Variants in CLSTN2 observed in about 807,000 individuals in gnomAD.
CLSTN2 encodes calsyntenin-2.
A neutral mutation model predicts 101.2 loss-of-function variants in CLSTN2; 48 were observed. The ratio of observed to expected loss-of-function variants is 0.47; its 90% CI spans 0.38 to 0.60. CLSTN2 has a LOEUF of 0.60. Ranked by LOEUF, CLSTN2 falls within the 20% of genes least tolerant of loss-of-function variation. CLSTN2 has a pLI of 0.00. For synonymous variants in CLSTN2, 481 were observed against 463.6 expected (o/e 1.04, Z -0.48); for missense variants, 1,160 against 1,238.2 (o/e 0.94, Z 0.95).
intron 2 of CLSTN2, among the ~76,000 whole-genome samples, chr3:140,335,677 T>C (rs1375071369): frequency 6.6e-6 from 1 of 152,212 alleles, no homozygotes; most frequent in African/African-American, 2.4e-5. Flanking sequence ...CTATTATTTG[T>C]AATAAAGACA....
At chr3:140,033,138 C>T (rs2107760674) in intron 1 of CLSTN2, among the ~76,000 whole-genome samples, 1 of 152,306 alleles carries the variant, frequency 6.6e-6, no homozygotes, top group Non-Finnish European at 1.5e-5. Flanking sequence ...GGAGGACTGA[C>T]ACGTAGTAGA....
chr3:140,392,666 T>C (rs1374622684), intron 2 of CLSTN2, among the ~76,000 whole-genome samples: 1 of 152,124 alleles, frequency 6.6e-6, no homozygotes, highest in Non-Finnish European at 1.5e-5. Context: ...AAAAAAGTCA[T>C]TTTTCGAGGA....
chr3:139,972,741 A>G (rs914608686), intron 1 of CLSTN2, among the ~76,000 whole-genome samples: 2 of 152,134 alleles, frequency 1.3e-5, no homozygotes, highest in African/African-American at 2.4e-5. Flanking sequence ...GAATGCAGGG[A>G]GCAATGCTGG....
At chr3:140,059,267 T>G (rs890220950) in intron 1 of CLSTN2, among the ~76,000 whole-genome samples, 1 of 151,776 alleles carries the variant, frequency 6.6e-6, no homozygotes, top group Non-Finnish European at 1.5e-5. Flanking sequence ...GTCCTAAGAG[T>G]GTTAGTTCTG....
intron 5 of CLSTN2, among the ~76,000 whole-genome samples, chr3:140,427,744 T>G (rs1453527035): frequency 9.2e-5 from 14 of 152,196 alleles, no homozygotes; most frequent in Admixed American, 9.2e-4. Context: ...AAGCTTTCTC[T>G]ATTTTCTTTT....
At chr3:140,332,829 T>A (rs1040550813) in intron 2 of CLSTN2, among the ~76,000 whole-genome samples, 1 of 152,124 alleles carries the variant, frequency 6.6e-6, no homozygotes, top group African/African-American at 2.4e-5. Context: ...GTGGAGGACC[T>A]CATCCCCTGT....
At chr3:140,345,819 C>T (rs1188523931) in intron 2 of CLSTN2, among the ~76,000 whole-genome samples, 1 of 152,076 alleles carries the variant, frequency 6.6e-6, no homozygotes, top group Non-Finnish European at 1.5e-5. Context: ...GAGATGGGAA[C>T]GTATATGTTT....
At chr3:140,403,975 A>G (rs1224937852) in intron 3 of CLSTN2, 151 bp downstream of exon 3, 6 of 631,882 alleles carry the variant, frequency 9.5e-6, no homozygotes, top group Non-Finnish European at 1.6e-5. Flanking sequence ...GGTCCCATGC[A>G]GGCATCTTCC....
chr3:140,381,459 A>T (rs1004650005), intron 2 of CLSTN2, among the ~76,000 whole-genome samples: 30 of 152,194 alleles, frequency 2.0e-4, no homozygotes, highest in African/African-American at 7.0e-4. Flanking sequence ...AGTGTCTTTG[A>T]ACCTCAGCCA....
intron 7 of CLSTN2, among the ~76,000 whole-genome samples, chr3:140,461,865 C>G (rs568523273): frequency 6.6e-6 from 1 of 151,388 alleles, no homozygotes; most frequent in Non-Finnish European, 1.5e-5. Context: ...AAGATTGGCA[C>G]AGAGAAAGTG....
At chr3:140,457,223 T>C (rs993664245) in intron 6 of CLSTN2, among the ~76,000 whole-genome samples, 2 of 152,202 alleles carry the variant, frequency 1.3e-5, no homozygotes, top group African/African-American at 4.8e-5. Context: ...TAGATCATAT[T>C]GGTCCCATTG....
At chr3:140,261,851 C>T (rs965865632) in intron 2 of CLSTN2, among the ~76,000 whole-genome samples, 1 of 152,170 alleles carries the variant, frequency 6.6e-6, no homozygotes, top group Non-Finnish European at 1.5e-5. Context: ...TGGTTCCTAA[C>T]ATCCACCATT....
At chr3:139,971,080 A>G (rs1440520235) in intron 1 of CLSTN2, among the ~76,000 whole-genome samples, 2 of 152,202 alleles carry the variant, frequency 1.3e-5, no homozygotes, top group Non-Finnish European at 1.5e-5. Context: ...TTTGCTCTTT[A>G]CAGTCTGAAT....
At chr3:140,110,805 G>A (rs1160513161) in intron 1 of CLSTN2, among the ~76,000 whole-genome samples, 3 of 152,124 alleles carry the variant, frequency 2.0e-5, no homozygotes, top group South Asian at 2.1e-4. Context: ...TAGTCAGATG[G>A]CAAACCTCTC....
intron 2 of CLSTN2, among the ~76,000 whole-genome samples, chr3:140,391,904 C>A (rs2088118454): frequency 6.6e-6 from 1 of 151,968 alleles, no homozygotes; most frequent in Admixed American, 6.6e-5. Flanking sequence ...AGGCGATGAT[C>A]ATTTAAGACC....
intron 8 of CLSTN2, among the ~76,000 whole-genome samples, chr3:140,511,735 T>G (rs140093179): frequency 0.1 from 15,292 of 150,078 alleles, 1,013 homozygotes; most frequent in Non-Finnish European, 0.15. Context: ...TTTTTTGTAT[T>G]TTTAGTAGAG....
At chr3:140,430,954 A>G (rs2088622624) in intron 5 of CLSTN2, among the ~76,000 whole-genome samples, 1 of 152,234 alleles carries the variant, frequency 6.6e-6, no homozygotes, top group African/African-American at 2.4e-5. Context: ...AGAGGATAGA[A>G]AAAGGGGATT....
intron 1 of CLSTN2, among the ~76,000 whole-genome samples, chr3:139,945,378 CCTTTTGAAAGG>C (rs1278236954): frequency 2.0e-5 from 3 of 152,188 alleles, no homozygotes; most frequent in African/African-American, 7.2e-5. Flanking sequence ...GCTCTGTATG[CCTTTTGAAAGG>C]ATAAAGCGCT....
intron 2 of CLSTN2, among the ~76,000 whole-genome samples, chr3:140,342,881 A>G (rs997580626): frequency 3.9e-5 from 6 of 152,178 alleles, no homozygotes; most frequent in African/African-American, 1.4e-4. Context: ...CAGGGCACTC[A>G]GATGCTTACA....
Sources: gnomAD v4.1 joint callset for allele counts (sites outside exome capture counted in the v4.1 genomes callset) on GRCh38, gnomAD v4.1.1 for gene constraint, MANE v1.5 for transcripts, NCBI Gene and HGNC (gene_info 2026-07-23, HGNC 2026-07-21) for gene names.